The following KIF21B variants were observed in gnomAD, a reference collection of about 807,000 sequenced individuals.
The protein encoded by KIF21B is kinesin family member 21B.
Under a neutral mutation model 192.9 loss-of-function variants are expected in KIF21B, and 85 were observed. That is an observed-to-expected ratio of 0.44 (90% CI 0.37 to 0.53). The LOEUF is 0.53. Among genes scored for constraint, KIF21B ranks in the 20% least tolerant of loss-of-function variants. The pLI, the probability that KIF21B is intolerant of heterozygous loss-of-function variation, is 0.00. For synonymous variants in KIF21B, 832 were observed against 884.6 expected (o/e 0.94, Z 1.05); for missense variants, 1,716 against 2,194.8 (o/e 0.78, Z 4.36).
chr1:201,006,541 G>T (rs778064875), intron 3 of KIF21B, among the ~76,000 whole-genome samples: 64 of 152,246 alleles, frequency 4.2e-4, no homozygotes, highest in Non-Finnish European at 5.4e-4. Context: ...TACCCCACAT[G>T]AATGGGGAAG....
In KIF21B at chr1:200,979,550, C is replaced by A; in HGVS notation, c.4145G>T (p.Cys1382Phe). The change falls in exon 30 of 35, where the codon TGC becomes TTC. Residue 1382 changes from cysteine to phenylalanine, a missense_variant. Cys to Phe is a radical substitution (Grantham distance 205, BLOSUM62 -2). Coordinates refer to ENST00000461742, the MANE Select transcript of KIF21B (RefSeq NM_001252102.2). ...GGTTACTCACGTGAGAGTCCGAATG[C>A]ACTTGGCTGAGTCCCGGATGTCCCA... ...KVWDIRDSAK[C>F]IRTLTSSGQV... 1.3e-6 allele frequency: 2 copies of A among 1,558,714 alleles called. No individual in the cohort carries two copies. The highest frequency in any genetic ancestry group is 2.4e-5 in the South Asian group (2 of 83,074).
intron 32 of KIF21B, among the ~76,000 whole-genome samples, chr1:200,976,022 T>C (rs769538453): frequency 3.9e-5 from 6 of 152,108 alleles, no homozygotes; most frequent in Non-Finnish European, 7.4e-5. Context: ...TGAGCCTCCC[T>C]CTAGAATTCT....
At chr1:200,992,687 G>A (rs1179168008) in intron 15 of KIF21B, among the ~76,000 whole-genome samples, 2 of 152,206 alleles carry the variant, frequency 1.3e-5, no homozygotes, top group African/African-American at 4.8e-5. Flanking sequence ...AGCCCCTGGT[G>A]GCCCTCACCC....
intron 1 of KIF21B, among the ~76,000 whole-genome samples, chr1:201,021,426 T>C (rs1658820094): frequency 6.6e-6 from 1 of 152,136 alleles, no homozygotes; most frequent in African/African-American, 2.4e-5. Context: ...CCAATCCAGA[T>C]CAGCAACTGA....
chr1:201,001,258 C>T, intron 9 of KIF21B: 1 of 159,394 alleles, frequency 6.3e-6, no homozygotes, highest in Non-Finnish European at 1.4e-5. Context: ...CAGAGGTATA[C>T]AAGCACTGTT....
intron 24 of KIF21B, among the ~76,000 whole-genome samples, chr1:200,987,528 G>A (rs1656390328): frequency 6.6e-6 from 1 of 152,144 alleles, no homozygotes; most frequent in African/African-American, 2.4e-5. Context: ...ACAGGCATGA[G>A]CCACCACACC....
At chr1:201,022,472 A>G (rs552306738) in intron 1 of KIF21B, among the ~76,000 whole-genome samples, 1 of 152,218 alleles carries the variant, frequency 6.6e-6, no homozygotes, top group Non-Finnish European at 1.5e-5. Flanking sequence ...TGAGGTGTGA[A>G]GCATCTCCAC....
rs138645369 is a variant in KIF21B, at chr1:200,984,867, C to T, written c.3795G>A (p.Ala1265=). 9.7e-4 allele frequency: 1,537 copies of T among 1,591,994 alleles called. 19 individuals carry two copies. In the South Asian group the frequency reaches 0.013, roughly 13 times the overall value. Residue 1265 remains alanine, a synonymous_variant, in exon 27 of 35, where the codon GCG becomes GCA. Transcript: ENST00000461742. ...CCTCCAGCCCTGCTTACTTGTCCAG[C>T]GCTGACCCCTGGCTCTGATTACTGG... The part of the protein sequence containing the change: ...RLTSNQSQGS[A]LDKSDDSDSS...
intron 1 of KIF21B, among the ~76,000 whole-genome samples, chr1:201,015,206 T>G (rs964795588): frequency 6.6e-6 from 1 of 152,222 alleles, no homozygotes; most frequent in Admixed American, 6.5e-5. Context: ...GCCCTGAAGA[T>G]TCAATCCAGG....
Position 200,975,699 on chromosome 1 carries a change from C to A in KIF21B, c.4444-30G>T. ...GGGAGGAGGGGCCAGTAGGGAGAGG[C>A]CAAGTGGGAGGATGGAAGGCAGGGC... is the stretch of plus-strand genomic sequence containing the variant. On this transcript the variant is annotated intron_variant, in intron 32 of 34. Transcript: ENST00000461742. The surrounding 1 kb of genome is among the most constrained non-coding windows in gnomAD (Gnocchi z 4.3). 1 of 1,583,400 alleles carries A rather than the reference C, an allele frequency of 6.3e-7. No individual in the cohort carries two copies. The highest frequency in any genetic ancestry group is 8.6e-7 in the Non-Finnish European group (1 of 1,161,990).
Position 201,000,115 on chromosome 1 carries a change from C to A in KIF21B, c.1686-151G>T. ...CTCTGCAGAGAACCCCACTGCTCTTCCCTAGGGCCACCCAGAGCTGACCTT... is the reference window on the plus strand; with the variant it reads ...CTCTGCAGAGAACCCCACTGCTCTTACCTAGGGCCACCCAGAGCTGACCTT... On this transcript the variant is annotated intron_variant, in intron 11 of 34. Coordinates refer to ENST00000461742, the MANE Select transcript of KIF21B (RefSeq NM_001252102.2). This position sits in a 1 kb window ranked among gnomAD's most constrained non-coding sequence, Gnocchi z 6.0. 1.3e-6 allele frequency: 1 copy of A among 751,520 alleles called. No homozygotes were observed. The allele number at this position is 751,520 out of a possible 1,614,324, so 46.6% of individuals were successfully genotyped here. A position where few individuals can be genotyped will look rare whatever the true frequency, so the allele number is the denominator to read the frequency against.
intron 30 of KIF21B, among the ~76,000 whole-genome samples, chr1:200,977,883 C>T (rs979880698): frequency 2.0e-5 from 3 of 150,738 alleles, no homozygotes; most frequent in Non-Finnish European, 2.9e-5. Flanking sequence ...TATAGGCATG[C>T]GCCACCATCC....
At chr1:201,008,527 G>A (rs1236687218) in intron 3 of KIF21B, among the ~76,000 whole-genome samples, 1 of 152,198 alleles carries the variant, frequency 6.6e-6, no homozygotes, top group African/African-American at 2.4e-5. Context: ...GAACACGTCA[G>A]GGTGTGAAGG....
Position 200,990,817 on chromosome 1 carries a change from C to A in KIF21B, c.2688-94G>T. ...TCTGGAGCTGACAGCCACGGGGACC[C>A]GGAGCACTCCCCAGAGCTTCCCTCT... On this transcript the variant is annotated intron_variant, in intron 18 of 34. Coordinates refer to ENST00000461742, the MANE Select transcript of KIF21B (RefSeq NM_001252102.2). The surrounding 1 kb of genome is among the most constrained non-coding windows in gnomAD (Gnocchi z 5.4). The A allele has an allele frequency of 4.4e-6, 7 of 1,591,978 alleles. No individual in the cohort carries two copies. Among genetic ancestry groups the A allele is most frequent in the Non-Finnish European group, 6.0e-6 (7 of 1,164,222 alleles).
rs893498810 is a variant in KIF21B, at chr1:200,974,903, T to C, written c.4625A>G (p.Asn1542Ser). ...DQQELIQQIP[N>S]AHKDWVCALA... ...GGCGCACACCCAGTCCTTGTGCGCA[T>C]TGGGGATTTGCTGTGAGAGGATCAG... The change falls in exon 34 of 35, where the codon AAT (asparagine) becomes AGT (serine). Residue 1542 changes from asparagine (N) to serine (S), a missense_variant. This residue lies in a region of KIF21B where 580 missense variants were observed against 775.5 expected (regional missense o/e 0.75). Coordinates refer to ENST00000461742, the MANE Select transcript of KIF21B (RefSeq NM_001252102.2). The C allele has an allele frequency of 6.2e-7, 1 of 1,613,676 alleles. No homozygotes were observed. The highest frequency in any genetic ancestry group is 8.5e-7 in the Non-Finnish European group (1 of 1,179,964).
chr1:200,981,143 C>T (rs1655895053), intron 28 of KIF21B, 47 bp from the exon 29 acceptor site: 1 of 1,558,890 alleles, frequency 6.4e-7, no homozygotes, highest in African/African-American at 1.4e-5. Context: ...GCCAGGGAGA[C>T]TGTGGCCAGG....
chr1:200,980,382 G>A (rs1655836285), intron 29 of KIF21B, among the ~76,000 whole-genome samples: 1 of 152,216 alleles, frequency 6.6e-6, no homozygotes, highest in Admixed American at 6.5e-5. Flanking sequence ...AGCCTCCTGA[G>A]TAGCTGGGGC....
chr1:201,007,062 A>G (rs1657884819), intron 3 of KIF21B, among the ~76,000 whole-genome samples: 2 of 137,638 alleles, frequency 1.5e-5, no homozygotes, highest in Admixed American at 7.4e-5. Context: ...ACACACACAC[A>G]CAGACACACA....
chr1:200,996,583 C>T (rs938702510), intron 14 of KIF21B, among the ~76,000 whole-genome samples, 188 bp from the exon 15 acceptor site: 4 of 152,094 alleles, frequency 2.6e-5, no homozygotes, highest in Admixed American at 1.3e-4. Context: ...TGCCCAAGGC[C>T]CCTTCCTGCT....
Sources: allele counts gnomAD v4.1 joint callset (sites outside exome capture counted in the v4.1 genomes callset), GRCh38; gene constraint gnomAD v4.1.1; regional missense constraint gnomAD v4.1.1; non-coding constraint Gnocchi (gnomAD v3.1); transcripts MANE v1.5; gene names NCBI Gene and HGNC (gene_info 2026-07-23, HGNC 2026-07-21).